The following HIVEP1 variants were observed in gnomAD, a reference collection of about 807,000 sequenced individuals.
HIVEP1 encodes HIVEP zinc finger 1.
A neutral mutation model predicts 180.0 loss-of-function variants in HIVEP1; 36 were observed. The ratio of observed to expected loss-of-function variants is 0.20; its 90% CI spans 0.15 to 0.26. HIVEP1 has a LOEUF of 0.26. Ranked by LOEUF, HIVEP1 falls within the 10% of genes least tolerant of loss-of-function variation. The probability of loss-of-function intolerance (pLI) is 1.00; values close to 1 mark genes in which losing one functional copy is unlikely to be tolerated. For synonymous variants in HIVEP1, 1,239 were observed against 1,239.0 expected, an observed-to-expected ratio of 1.00 and a Z score of 0.00; for missense variants, 3,143 against 3,268.7, an observed-to-expected ratio of 0.96 and a Z score of 0.94.
At chr6:12,015,764 C>G in intron 2 of HIVEP1, 96 bp downstream of exon 2, 1 of 1,119,390 alleles carries the variant, frequency 8.9e-7, no homozygotes, top group Non-Finnish European at 1.3e-6. Flanking sequence ...AGATGTTGAC[C>G]CTGCCTGGTG....
At chr6:12,017,114 T>C (rs1276123603) in intron 2 of HIVEP1, among the ~76,000 whole-genome samples, 2 of 152,220 alleles carry the variant, frequency 1.3e-5, no homozygotes, top group Non-Finnish European at 2.9e-5. Context: ...AAAATATATG[T>C]TCATAACATT....
At chr6:12,054,096 A>G (rs1319582647) in intron 2 of HIVEP1, among the ~76,000 whole-genome samples, 3 of 152,204 alleles carry the variant, frequency 2.0e-5, no homozygotes, top group African/African-American at 7.2e-5. Context: ...TCAGCAACAT[A>G]TAAAACATGC....
chr6:12,058,979 A>G (rs531018324), intron 2 of HIVEP1, among the ~76,000 whole-genome samples: 3 of 150,612 alleles, frequency 2.0e-5, no homozygotes, highest in African/African-American at 7.3e-5. Context: ...ACAGAGTGTC[A>G]CTCTGTTTGT....
At chr6:12,204,110 C>G in the HIVEP1 span, among the ~76,000 whole-genome samples, 1 of 151,904 alleles carries the variant, frequency 6.6e-6, no homozygotes, top group Non-Finnish European at 1.5e-5. Flanking sequence ...TTGTGAAGTT[C>G]AGGGGTTCAG....
the HIVEP1 span, among the ~76,000 whole-genome samples, chr6:12,199,707 G>C: frequency 6.6e-6 from 1 of 152,192 alleles, no homozygotes; most frequent in Non-Finnish European, 1.5e-5. Context: ...GAGACAATTT[G>C]AGTGTACTAT....
At chr6:12,020,890 CTTTTT>C (rs70981658) in intron 2 of HIVEP1, among the ~76,000 whole-genome samples, 2 of 105,764 alleles carry the variant, frequency 1.9e-5, no homozygotes, top group East Asian at 2.8e-4. Context: ...TTCTTTCTTT[CTTTTT>C]TTTTTTTTTT....
At chr6:12,083,502 A>G (rs751012436) in intron 2 of HIVEP1, among the ~76,000 whole-genome samples, 71 of 152,126 alleles carry the variant, frequency 4.7e-4, no homozygotes, top group Non-Finnish European at 9.6e-4. Context: ...AAAGCAAGCA[A>G]ACAGACTCTC....
chr6:12,202,038 A>T, the HIVEP1 span, among the ~76,000 whole-genome samples: 1 of 152,184 alleles, frequency 6.6e-6, no homozygotes, highest in African/African-American at 2.4e-5. Context: ...ATTTGGAAAA[A>T]CATGTATTTT....
chr6:12,144,799 T>G (rs528739525), intron 7 of HIVEP1, among the ~76,000 whole-genome samples: 1 of 152,236 alleles, frequency 6.6e-6, no homozygotes, highest in South Asian at 2.1e-4. Context: ...ATCAGAGAAA[T>G]GCAAATCAAA....
chr6:12,150,336 C>CTTCA (rs924060080), intron 7 of HIVEP1, among the ~76,000 whole-genome samples: 4 of 152,290 alleles, frequency 2.6e-5, no homozygotes, highest in Admixed American at 2.6e-4. Context: ...AAATGCTGGA[C>CTTCA]TTCAGTGCAC....
intron 2 of HIVEP1, among the ~76,000 whole-genome samples, chr6:12,055,502 T>C (rs1411937066): frequency 1.3e-5 from 2 of 152,194 alleles, no homozygotes; most frequent in African/African-American, 4.8e-5. Context: ...TATTTTGTTA[T>C]CTTTTTTTGT....
intron 4 of HIVEP1, among the ~76,000 whole-genome samples, chr6:12,127,038 A>G (rs114878498): frequency 0.011 from 1,624 of 152,218 alleles, 35 homozygotes; most frequent in African/African-American, 0.038. Flanking sequence ...TATTTTTGGT[A>G]GAGACAGAGT....
At chr6:12,152,679 A>G (rs1759774418) in intron 7 of HIVEP1, among the ~76,000 whole-genome samples, 1 of 152,224 alleles carries the variant, frequency 6.6e-6, no homozygotes. Context: ...GATTTCAGAT[A>G]CTATGTATTC....
chr6:12,095,668 C>T (rs1202650755), intron 3 of HIVEP1, among the ~76,000 whole-genome samples: 1 of 151,826 alleles, frequency 6.6e-6, no homozygotes, highest in African/African-American at 2.4e-5. Flanking sequence ...TAAAAGTACT[C>T]ATAGATTTTA....
intron 2 of HIVEP1, among the ~76,000 whole-genome samples, chr6:12,055,861 G>A (rs1275244372): frequency 6.6e-6 from 1 of 152,212 alleles, no homozygotes; most frequent in East Asian, 1.9e-4. Context: ...CAAGACAAGT[G>A]TTCTATTAAG....
intron 3 of HIVEP1, among the ~76,000 whole-genome samples, chr6:12,090,808 G>T (rs576177006): frequency 7.1e-6 from 1 of 141,550 alleles, no homozygotes; most frequent in Admixed American, 7.5e-5. Flanking sequence ...GCAAATGTGA[G>T]CCTGTCTTCC....
intron 2 of HIVEP1, among the ~76,000 whole-genome samples, chr6:12,068,448 A>G (rs1771745282): frequency 6.6e-6 from 1 of 152,198 alleles, no homozygotes; most frequent in South Asian, 2.1e-4. Flanking sequence ...TAAAGGGTAA[A>G]GAATCATGTT....
chr6:12,119,227 A>T (rs114617507), intron 3 of HIVEP1, among the ~76,000 whole-genome samples: 1 of 152,332 alleles, frequency 6.6e-6, no homozygotes, highest in African/African-American at 2.4e-5. Flanking sequence ...GGGTTGGTTA[A>T]TGATTGTTGG....
At chr6:12,131,079 T>A in intron 6 of HIVEP1, 137 bp downstream of exon 6, 1 of 508,346 alleles carries the variant, frequency 2.0e-6, no homozygotes, top group Non-Finnish European at 3.4e-6. Context: ...GTCAATGTTG[T>A]AGTCTTATTA....
Sources: gnomAD v4.1 joint callset for allele counts (sites outside exome capture counted in the v4.1 genomes callset) on GRCh38, gnomAD v4.1.1 for gene constraint, MANE v1.5 for transcripts, NCBI Gene and HGNC (gene_info 2026-07-23, HGNC 2026-07-21) for gene names.